Variants in RANBP2 observed in about 807,000 individuals in gnomAD.
The protein encoded by RANBP2 is E3 SUMO-protein ligase RanBP2.
A neutral mutation model predicts 303.6 loss-of-function variants in RANBP2; 57 were observed. That is an observed-to-expected ratio of 0.19 (90% CI 0.15 to 0.23). The LOEUF (loss-of-function observed/expected upper bound fraction) is 0.23. RANBP2 is among the 10% of genes least tolerant of loss of function. The pLI is 1.00. For synonymous variants in RANBP2, 1,167 were observed against 1,301.5 expected, an observed-to-expected ratio of 0.90 and a Z score of 2.23; for missense variants, 3,138 against 3,780.8, an observed-to-expected ratio of 0.83 and a Z score of 4.46.
At chr2:109,426,771 C>T in the RANBP2 span, among the ~76,000 whole-genome samples, 1 of 152,106 alleles carries the variant, frequency 6.6e-6, no homozygotes, top group Non-Finnish European at 1.5e-5. Context: ...AGAAATCTAT[C>T]ATGAAAGAAA....
the RANBP2 span, among the ~76,000 whole-genome samples, chr2:109,219,897 G>A: frequency 3.9e-4 from 60 of 152,132 alleles, 1 homozygote; most frequent in Non-Finnish European, 1.6e-4. Flanking sequence ...AACCCCAATG[G>A]CGTTTTTTAG....
the RANBP2 span, chr2:109,503,765 A>G: frequency 6.6e-6 from 1 of 152,184 alleles, no homozygotes; most frequent in Non-Finnish European, 1.5e-5. Context: ...GTACCAAGCA[A>G]CAGAATAGAG....
the RANBP2 span, among the ~76,000 whole-genome samples, chr2:108,978,646 G>A: frequency 5.3e-5 from 8 of 152,082 alleles, no homozygotes; most frequent in African/African-American, 1.7e-4. Flanking sequence ...ATATTAGAGA[G>A]ACCTAGTTAG....
the RANBP2 span, among the ~76,000 whole-genome samples, chr2:109,727,714 G>C: frequency 6.6e-6 from 1 of 152,146 alleles, no homozygotes; most frequent in Non-Finnish European, 1.5e-5. Flanking sequence ...GCTAACTGAA[G>C]GCTTAGTTTT....
chr2:109,449,417 G>C, the RANBP2 span: 1 of 1,613,692 alleles, frequency 6.2e-7, no homozygotes, highest in Admixed American at 1.7e-5. Flanking sequence ...CTGGAGGGGG[G>C]CCCATCGGTG....
chr2:109,129,853 G>A, the RANBP2 span: 2 of 1,528,388 alleles, frequency 1.3e-6, no homozygotes, highest in South Asian at 1.2e-5. Context: ...GGGCTGCGGC[G>A]TGGACGAACT....
chr2:109,110,338 C>A, the RANBP2 span, among the ~76,000 whole-genome samples: 1 of 152,154 alleles, frequency 6.6e-6, no homozygotes. Flanking sequence ...GAGGCCTGAT[C>A]GTCTCTGAAC....
chr2:109,063,081 G>C, the RANBP2 span, among the ~76,000 whole-genome samples: 1 of 152,096 alleles, frequency 6.6e-6, no homozygotes, highest in Non-Finnish European at 1.5e-5. Context: ...TGGAGTGTGT[G>C]CCCCCCACCA....
chr2:109,357,027 T>G, the RANBP2 span, among the ~76,000 whole-genome samples: 1 of 152,182 alleles, frequency 6.6e-6, no homozygotes, highest in Non-Finnish European at 1.5e-5. Flanking sequence ...TGCTGCTGCT[T>G]GTCCATACTG....
the RANBP2 span, chr2:109,347,868 C>T: frequency 1.4e-5 from 23 of 1,613,272 alleles, no homozygotes; most frequent in East Asian, 2.2e-5. Flanking sequence ...CCTTGCCACA[C>T]GCCCCGCCCC....
the RANBP2 span, chr2:108,930,940 G>C: frequency 4.3e-6 from 7 of 1,613,062 alleles, no homozygotes; most frequent in Non-Finnish European, 5.9e-6. Context: ...GGTGCTGTGG[G>C]GGTAAGGGGC....
At chr2:109,652,332 C>T in the RANBP2 span, among the ~76,000 whole-genome samples, 1 of 152,014 alleles carries the variant, frequency 6.6e-6, no homozygotes, top group Non-Finnish European at 1.5e-5. Flanking sequence ...ACGCCATTCT[C>T]CTGCCTCAGC....
At chr2:109,249,467 C>CTCTTTCTTTCTTTCTT in the RANBP2 span, among the ~76,000 whole-genome samples, 422 of 99,234 alleles carry the variant, frequency 4.3e-3, 26 homozygotes, top group Middle Eastern at 9.5e-3. Context: ...TTCTCTCTTT[C>CTCTTTCTTTCTTTCTT]TCTTTCTTTC....
chr2:108,766,789 T>C lies in RANBP2; in HGVS notation c.6250T>C (p.Cys2084Arg). The change falls in exon 20 of 29, where the codon TGT becomes CGT. Residue 2084 changes from cysteine to arginine, a missense_variant. Coordinates refer to ENST00000283195, the MANE Select transcript of RANBP2 (RefSeq NM_006267.5). The stretch of plus-strand genomic sequence containing the variant: ...GCGAAGAGAACAAGTACTAAAAGTG[T>C]GTGCTAATCATTGGATAACGACTAC... The part of the protein sequence containing the change: ...LMRREQVLKV[C>R]ANHWITTTMN... 1 of 1,612,016 alleles carries C rather than the reference T, an allele frequency of 6.2e-7. No homozygotes were observed. The highest frequency in any genetic ancestry group is 8.5e-7 in the Non-Finnish European group (1 of 1,179,860).
At chr2:108,893,919 C>T in the RANBP2 span, among the ~76,000 whole-genome samples, 2 of 152,184 alleles carry the variant, frequency 1.3e-5, no homozygotes, top group South Asian at 2.1e-4. Flanking sequence ...TACTATGGCA[C>T]ATGTATTCCC....
the RANBP2 span, among the ~76,000 whole-genome samples, chr2:109,624,262 G>A: frequency 6.6e-6 from 1 of 152,332 alleles, no homozygotes; most frequent in Admixed American, 6.5e-5. Context: ...TTGAAAGCTA[G>A]CCTGAGAAAT....
the RANBP2 span, among the ~76,000 whole-genome samples, chr2:108,982,093 A>G: frequency 1.3e-5 from 2 of 152,266 alleles, no homozygotes; most frequent in Admixed American, 6.5e-5. Flanking sequence ...TATCTCTCCT[A>G]TTTCCTCCTT....
At chr2:109,216,402 G>A in the RANBP2 span, among the ~76,000 whole-genome samples, 1 of 152,218 alleles carries the variant, frequency 6.6e-6, no homozygotes, top group Admixed American at 6.5e-5. Context: ...GTGTTAAAAC[G>A]GTGAGATCCA....
In RANBP2 at chr2:108,767,365, A is replaced by G; in HGVS notation, c.6826A>G (p.Ser2276Gly). ...GFNFSFKSAL[S>G]PSKSPAKLNQ... is the part of the protein sequence containing the mutation. ...TAACTTCAGTTTTAAATCTGCTTTG[A>G]GTCCATCTAAGTCTCCTGCCAAGTT... Residue 2276 changes from serine (S) to glycine (G), a missense_variant, in exon 20 of 29, where the codon AGT becomes GGT. Coordinates refer to ENST00000283195, the MANE Select transcript of RANBP2 (RefSeq NM_006267.5). 1 of 1,612,038 alleles carries G rather than the reference A, an allele frequency of 6.2e-7. No individual in the cohort carries two copies. The highest frequency in any genetic ancestry group is 8.5e-7 in the Non-Finnish European group (1 of 1,179,866).
Sources: gnomAD v4.1 joint callset for allele counts (sites outside exome capture counted in the v4.1 genomes callset) on GRCh38, gnomAD v4.1.1 for gene constraint, MANE v1.5 for transcripts, NCBI Gene and HGNC (gene_info 2026-07-23, HGNC 2026-07-21) for gene names.